The following SHISA3 variants were observed in gnomAD, a reference collection of about 807,000 sequenced individuals.
SHISA3 encodes protein shisa-3 homolog.
In SHISA3, 15 loss-of-function variants were observed where a neutral mutation model predicts 19.2. The observed-to-expected ratio is 0.78, with a 90% CI of 0.52 to 1.20. SHISA3 has a LOEUF of 1.20. Among genes scored for constraint, SHISA3 ranks in the 50% most tolerant of loss-of-function variants. SHISA3 has a pLI of 0.00. For synonymous variants in SHISA3, 145 were observed against 135.2 expected, an observed-to-expected ratio of 1.07 and a Z score of -0.50; for missense variants, 327 against 315.7, an observed-to-expected ratio of 1.04 and a Z score of -0.27.
In SHISA3 at chr4:42,401,086, AT is replaced by A; in HGVS notation, c.355del (p.Tyr119IlefsTer6). On this transcript the variant is annotated frameshift_variant, in exon 2 of 2. Transcript: ENST00000319234. LOFTEE classifies it high-confidence loss of function. ...AFIILGSVVA[I>X]YCCTCLRPKE... ...CATCATCCTGGGCTCTGTAGTGGCT[AT>A]TTATTGTTGCACCTGTTTGAGACCC... is the stretch of plus-strand genomic sequence containing the variant. 6.2e-7 allele frequency: 1 copy of A among 1,613,996 alleles called. No homozygotes were observed. The highest frequency in any genetic ancestry group is 8.5e-7 in the Non-Finnish European group (1 of 1,179,996).
Position 42,401,564 on chromosome 4 carries a change from G to T in SHISA3, c.*113G>T. Reference sequence around the variant, plus strand: ...TCCCTTGTAACTGATCAGTGTCATGGAGGAGCATGCTAGGAAAACACAGCA... The same window carrying T: ...TCCCTTGTAACTGATCAGTGTCATGTAGGAGCATGCTAGGAAAACACAGCA... On this transcript the variant is annotated 3_prime_UTR_variant, in exon 2 of 2. Transcript: ENST00000319234. 1 of 1,154,980 alleles carries T rather than the reference G, an allele frequency of 8.7e-7. No homozygotes were observed. The highest frequency in any genetic ancestry group is 1.2e-6 in the Non-Finnish European group (1 of 824,082). 71.5% of individuals were successfully genotyped at this position (1,154,980 alleles called of 1,614,324 possible).
Position 42,400,868 on chromosome 4 carries a change from C to T in SHISA3, c.278-144C>T. ...GGTTTGCATTGCATTTTGGAGGTTACCATTAACAAGCTCTGAAAAACTGAG... is the reference window on the plus strand; with the variant it reads ...GGTTTGCATTGCATTTTGGAGGTTATCATTAACAAGCTCTGAAAAACTGAG... On this transcript the variant is annotated intron_variant, in intron 1 of 1. Transcript: ENST00000319234. 3.8e-6 allele frequency: 3 copies of T among 781,984 alleles called. No individual in the cohort carries two copies. In the South Asian group the frequency reaches 5.2e-5, roughly 14 times the overall value. 48.4% of individuals were successfully genotyped at this position (781,984 alleles called of 1,614,324 possible). A position where few individuals can be genotyped will look rare whatever the true frequency, so the allele number is the denominator to read the frequency against.
Position 42,401,290 on chromosome 4 carries a change from G to C in SHISA3, c.556G>C (p.Gly186Arg). The C allele has an allele frequency of 6.2e-7, 1 of 1,614,134 alleles. No individual in the cohort carries two copies. The highest frequency in any genetic ancestry group is 8.5e-7 in the Non-Finnish European group (1 of 1,180,000). Residue 186 changes from glycine (G) to arginine (R), a missense_variant, in exon 2 of 2, where the codon GGC (glycine) becomes CGC (arginine). Transcript: ENST00000319234. The stretch of plus-strand genomic sequence containing the variant: ...GTTCTCCTTTGCCAGGGCTGAGCCG[G>C]GCTGCCTGGTGCCCTCACCGCCCCC... Reference protein sequence around the residue: ...RRFSFARAEPGCLVPSPPPPY... With the variant: ...RRFSFARAEPRCLVPSPPPPY...
chr4:42,397,992 C>A lies in SHISA3; in HGVS notation c.-65C>A. 1.4e-6 allele frequency: 2 copies of A among 1,418,120 alleles called. No individual in the cohort carries two copies. The highest frequency in any genetic ancestry group is 5.1e-5 in the East Asian group (2 of 39,450). The allele number at this position is 1,418,120 out of a possible 1,614,324, so 87.8% of individuals were successfully genotyped here. ...AGGCGGAATCGCTGTGCGCCCTGAG[C>A]CCGGGCTCAGCCCTTCGCTTTCCAG... On this transcript the variant is annotated 5_prime_UTR_variant, in exon 1 of 2. Transcript: ENST00000319234.
Position 42,401,038 on chromosome 4 carries a change from G to A in SHISA3, c.304G>A (p.Val102Ile), listed in dbSNP as rs371970488. The stretch of plus-strand genomic sequence containing the variant: ...GCCTGTCTACGTCCCCTTTCTCATC[G>A]TCGGCTCCATCTTCATTGCGTTCAT... ...AQPVYVPFLI[V>I]GSIFIAFIIL... The change falls in exon 2 of 2, where the codon GTC becomes ATC. Residue 102 changes from valine (V) to isoleucine (I), a missense_variant. Val to Ile is a conservative substitution (Grantham distance 29, BLOSUM62 3). Coordinates refer to ENST00000319234, the MANE Select transcript of SHISA3 (RefSeq NM_001080505.3). 6.3e-5 allele frequency: 102 copies of A among 1,613,882 alleles called. No homozygotes were observed. Among genetic ancestry groups the A allele is most frequent in the Non-Finnish European group, 6.6e-5 (78 of 1,179,964 alleles).
At chr4:42,399,628 C>A (rs1480869848) in intron 1 of SHISA3, among the ~76,000 whole-genome samples, 2 of 152,238 alleles carry the variant, frequency 1.3e-5, no homozygotes, top group Admixed American at 1.3e-4. Context: ...AAGGGAGAGG[C>A]AGTCTCCACA....
At position 42,398,213 on chromosome 4, in the gene SHISA3, G is replaced by GCTAC. The variant is rs753918246; in HGVS notation, c.159_162dup (p.Ile55TyrfsTer131). 20 of 1,597,718 alleles carry GCTAC rather than the reference G, an allele frequency of 1.3e-5. No homozygotes were observed. The highest frequency in any genetic ancestry group is 1.7e-4 in the Middle Eastern group (1 of 6,050). On this transcript the variant is annotated frameshift_variant, in exon 1 of 2. Coordinates refer to ENST00000319234, the MANE Select transcript of SHISA3 (RefSeq NM_001080505.3). LOFTEE classifies it high-confidence loss of function. ...CCCAGAGGACTTCGACACGCTGGAC[G>GCTAC]CTACCATCTGCTGCGGCTCCTGCGC...
rs911631216 is a variant in SHISA3, at chr4:42,401,455, G to C, written c.*4G>C. 3.8e-6 allele frequency: 6 copies of C among 1,558,824 alleles called. No individual in the cohort carries two copies. Among genetic ancestry groups the C allele is most frequent in the Non-Finnish European group, 5.2e-6 (6 of 1,154,022 alleles). On this transcript the variant is annotated 3_prime_UTR_variant, in exon 2 of 2. Transcript: ENST00000319234. Reference sequence around the variant, plus strand: ...TCCAGACTTCAGTTCCAGTTGACACGCCCAGGCCATGAATCCACAACTCAG... The same window carrying C: ...TCCAGACTTCAGTTCCAGTTGACACCCCCAGGCCATGAATCCACAACTCAG...
chr4:42,401,542 C>T lies in SHISA3; in HGVS notation c.*91C>T, dbSNP rs151175467. The T allele has an allele frequency of 1.0e-5, 14 of 1,383,864 alleles. No individual in the cohort carries two copies. Among genetic ancestry groups the T allele is most frequent in the Non-Finnish European group, 1.4e-5 (14 of 1,017,168 alleles). 85.7% of individuals were successfully genotyped at this position (1,383,864 alleles called of 1,614,324 possible). A position where few individuals can be genotyped will look rare whatever the true frequency, so the allele number is the denominator to read the frequency against. ...CACATGCAATTCTGAGAAAATTTCC[C>T]TTGTAACTGATCAGTGTCATGGAGG... On this transcript the variant is annotated 3_prime_UTR_variant, in exon 2 of 2. Coordinates refer to ENST00000319234, the MANE Select transcript of SHISA3 (RefSeq NM_001080505.3).
intron 1 of SHISA3, among the ~76,000 whole-genome samples, chr4:42,400,189 G>A (rs1711867063): frequency 6.6e-6 from 1 of 152,232 alleles, no homozygotes; most frequent in Non-Finnish European, 1.5e-5. Context: ...AACTGCCCAA[G>A]GGGATGCCTC....
chr4:42,399,256 G>A (rs186432270), intron 1 of SHISA3, among the ~76,000 whole-genome samples: 2 of 152,260 alleles, frequency 1.3e-5, no homozygotes, highest in African/African-American at 4.8e-5. Flanking sequence ...GAAGGTCGCC[G>A]GGAAAGGGAA....
At position 42,397,751 on chromosome 4, in the gene SHISA3, G is replaced by A. The variant is rs1372591814; in HGVS notation, c.-306G>A. 6 of 339,324 alleles carry A rather than the reference G, an allele frequency of 1.8e-5. No homozygotes were observed. The highest frequency in any genetic ancestry group is 3.2e-5 in the Non-Finnish European group (6 of 188,026). 21.0% of individuals were successfully genotyped at this position (339,324 alleles called of 1,614,324 possible). ...GGGGTTGGCGCGCCCCTCGCGCGGG[G>A]AGCGCTATGAGCCGGGCGAAGGGCG... is the stretch of plus-strand genomic sequence containing the variant. On this transcript the variant is annotated 5_prime_UTR_variant, in exon 1 of 2. Coordinates refer to ENST00000319234, the MANE Select transcript of SHISA3 (RefSeq NM_001080505.3).
In SHISA3 at chr4:42,401,464, A is replaced by G. The variant is rs374959965; in HGVS notation, c.*13A>G. ...CAGTTCCAGTTGACACGCCCAGGCC[A>G]TGAATCCACAACTCAGTCAGATGGC... is the stretch of plus-strand genomic sequence containing the variant. On this transcript the variant is annotated 3_prime_UTR_variant, in exon 2 of 2. Transcript: ENST00000319234. 1.1e-4 allele frequency: 169 copies of G among 1,552,130 alleles called. No homozygotes were observed. Among genetic ancestry groups the G allele is most frequent in the Non-Finnish European group, 1.4e-4 (164 of 1,151,122 alleles).
Position 42,397,553 on chromosome 4 carries a change from G to A in SHISA3, c.-504G>A, listed in dbSNP as rs755081344. Among the ~76,000 whole-genome samples the A allele has an allele frequency of 6.6e-6, 1 of 152,192 alleles. No individual in the cohort carries two copies. The highest frequency in any genetic ancestry group is 1.5e-5 in the Non-Finnish European group (1 of 68,022). ...GACTCCTGCTCCTGTGACAGATAGG[G>A]GCTGGGGCTGAGCGGCCGCCTGTCT... On this transcript the variant is annotated 5_prime_UTR_variant, in exon 1 of 2. Transcript: ENST00000319234.
intron 1 of SHISA3, 84 bp from the exon 2 acceptor site, chr4:42,400,928 C>T: frequency 1.4e-6 from 2 of 1,418,414 alleles, no homozygotes; most frequent in Non-Finnish European, 1.9e-6. Context: ...TCTCCCACCT[C>T]TCAACCCTCA....
rs1005921497 is a variant in SHISA3, at chr4:42,402,247, T to C, written c.*796T>C. On this transcript the variant is annotated 3_prime_UTR_variant, in exon 2 of 2. Transcript: ENST00000319234. The stretch of plus-strand genomic sequence containing the variant: ...ACATTTATTTGTAAAATGAGCTATG[T>C]TCAAATGTAAATATTTGTAATTTAA... The C allele has an allele frequency of 2.0e-5, 3 of 152,244 alleles. No homozygotes were observed. The highest frequency in any genetic ancestry group is 7.2e-5 in the African/African-American group (3 of 41,474). The allele number at this position is 152,244 out of a possible 1,614,324, so 9.4% of individuals were successfully genotyped here.
At position 42,397,954 on chromosome 4, in the gene SHISA3, C is replaced by A. The variant is rs942090727; in HGVS notation, c.-103C>A. On this transcript the variant is annotated 5_prime_UTR_variant, in exon 1 of 2. Coordinates refer to ENST00000319234, the MANE Select transcript of SHISA3 (RefSeq NM_001080505.3). ...GGCCGCCGGGGCCAGCAGCTTGCGA[C>A]GTGTCCCTGGGGAGGCGGAATCGCT... 164 of 1,183,220 alleles carry A rather than the reference C, an allele frequency of 1.4e-4. No homozygotes were observed. The African/African-American group carries it at 2.4e-3, about 18-fold the overall frequency. The allele number at this position is 1,183,220 out of a possible 1,614,324, so 73.3% of individuals were successfully genotyped here. A position where few individuals can be genotyped will look rare whatever the true frequency, so the allele number is the denominator to read the frequency against.
intron 1 of SHISA3, among the ~76,000 whole-genome samples, chr4:42,400,201 G>A (rs1180414441): frequency 3.3e-5 from 5 of 152,170 alleles, no homozygotes; most frequent in East Asian, 1.9e-4. Flanking sequence ...GGATGCCTCC[G>A]GGCTTGGGAA....
rs774049700 is a variant in SHISA3, at chr4:42,401,118, G to A, written c.384G>A (p.Glu128=). 1.2e-6 allele frequency: 2 copies of A among 1,614,162 alleles called. No individual in the cohort carries two copies. The highest frequency in any genetic ancestry group is 2.2e-5 in the South Asian group (2 of 91,072). ...IYCCTCLRPK[E]PSQQPIRFSL... is the part of the protein sequence containing the mutation. Reference sequence around the variant, plus strand: ...GTTGCACCTGTTTGAGACCCAAGGAGCCCTCGCAGCAGCCAATCCGCTTCT... The same window carrying A: ...GTTGCACCTGTTTGAGACCCAAGGAACCCTCGCAGCAGCCAATCCGCTTCT... The change falls in exon 2 of 2, where the codon GAG becomes GAA. Residue 128 remains glutamate (E), a synonymous_variant. Coordinates refer to ENST00000319234, the MANE Select transcript of SHISA3 (RefSeq NM_001080505.3).
Sources: allele counts gnomAD v4.1 joint callset (sites outside exome capture counted in the v4.1 genomes callset), GRCh38; gene constraint gnomAD v4.1.1; transcripts MANE v1.5; gene names NCBI Gene and HGNC (gene_info 2026-07-23, HGNC 2026-07-21).